NBAS: variants seen among roughly 807,000 people sequenced by gnomAD.
NBAS encodes the protein NAG/BC035112 fusion.
In NBAS, 219 loss-of-function variants were observed where a neutral mutation model predicts 302.5. The ratio of observed to expected loss-of-function variants is 0.72; its 90% CI spans 0.65 to 0.81. NBAS has a LOEUF of 0.81. Among genes scored for constraint, NBAS ranks in the 30% least tolerant of loss-of-function variants. The pLI, the probability that NBAS is intolerant of heterozygous loss-of-function variation, is 0.00. For synonymous variants in NBAS, 1,118 were observed against 1,021.6 expected (o/e 1.09, Z -1.80); for missense variants, 2,932 against 2,841.6 (o/e 1.03, Z -0.72).
chr2:14,848,128 G>A, the NBAS span, among the ~76,000 whole-genome samples: 24 of 152,060 alleles, frequency 1.6e-4, no homozygotes, highest in East Asian at 1.2e-3. Flanking sequence ...CGTGAGCGAC[G>A]CAGAAGACGG....
chr2:14,929,518 C>T, the NBAS span, among the ~76,000 whole-genome samples: 27 of 152,276 alleles, frequency 1.8e-4, no homozygotes, highest in Middle Eastern at 3.4e-3. Flanking sequence ...GCTGGGACTA[C>T]AGGCGTGCGC....
intron 23 of NBAS, among the ~76,000 whole-genome samples, chr2:15,421,414 A>G (rs150741360): frequency 1.7e-3 from 252 of 152,330 alleles, no homozygotes; most frequent in African/African-American, 5.8e-3. Flanking sequence ...TTACAGAATT[A>G]TATCATATAC....
At chr2:15,495,605 A>C (rs1028631566) in intron 11 of NBAS, among the ~76,000 whole-genome samples, 10 of 152,146 alleles carry the variant, frequency 6.6e-5, no homozygotes, top group Non-Finnish European at 1.2e-4. Flanking sequence ...GATAAACCTA[A>C]GCCAGAATAA....
chr2:15,462,884 C>A (rs980862089), intron 19 of NBAS, among the ~76,000 whole-genome samples: 4 of 151,964 alleles, frequency 2.6e-5, no homozygotes, highest in African/African-American at 7.3e-5. Context: ...GAAAAGGGAA[C>A]CTGCATCTGA....
the NBAS span, among the ~76,000 whole-genome samples, chr2:15,133,115 G>A: frequency 6.6e-6 from 1 of 152,202 alleles, no homozygotes; most frequent in Non-Finnish European, 1.5e-5. Flanking sequence ...TCAGTTCAGT[G>A]GTTGTTAAGG....
rs765736394 is a variant in NBAS at position 15,186,777 on chromosome 2, A to G, written c.6676T>C (p.Ser2226Pro). 1.2e-6 allele frequency: 2 copies of G among 1,613,824 alleles called. No homozygotes were observed. The highest frequency in any genetic ancestry group is 1.7e-6 in the Non-Finnish European group (2 of 1,179,952). Residue 2226 changes from serine to proline, a missense_variant, in exon 50 of 52, where the codon TCT becomes CCT. Transcript: ENST00000281513. ...LGNEVLKMCR[S>P]LYNTKQMLPA... ...AGCATCTGCTTGGTGTTATACAAAG[A>G]GCGACACATTTTCAAAACTTCATTC...
chr2:15,379,036 A>C (rs1001106476), intron 30 of NBAS, among the ~76,000 whole-genome samples: 1 of 152,150 alleles, frequency 6.6e-6, no homozygotes, highest in African/African-American at 2.4e-5. Context: ...AATTACGAGA[A>C]CTCAGGTCAT....
the NBAS span, among the ~76,000 whole-genome samples, chr2:15,121,866 G>C: frequency 6.5e-4 from 99 of 152,098 alleles, no homozygotes; most frequent in African/African-American, 2.1e-3. Flanking sequence ...AGTTTTTTAT[G>C]TATCAATATA....
the NBAS span, among the ~76,000 whole-genome samples, chr2:15,026,934 GT>G: frequency 6.6e-6 from 1 of 152,098 alleles, no homozygotes; most frequent in East Asian, 1.9e-4. Context: ...ATATTTATGA[GT>G]TCTCTATTTT....
the NBAS span, among the ~76,000 whole-genome samples, chr2:14,827,483 G>A: frequency 2.6e-5 from 4 of 152,180 alleles, no homozygotes; most frequent in Admixed American, 2.6e-4. Context: ...ATGCTGTCAT[G>A]AACATGAGAG....
At chr2:15,224,190 G>A (rs555653808) in intron 47 of NBAS, among the ~76,000 whole-genome samples, 84 of 152,316 alleles carry the variant, frequency 5.5e-4, no homozygotes, top group African/African-American at 2.0e-3. Context: ...ATTATGTAAT[G>A]TAGCATGGAA....
At chr2:14,806,472 G>A in the NBAS span, among the ~76,000 whole-genome samples, 1 of 152,038 alleles carries the variant, frequency 6.6e-6, no homozygotes, top group African/African-American at 2.4e-5. Context: ...ATTGTGATAA[G>A]CTTAGTTCAT....
At chr2:14,989,918 G>A in the NBAS span, among the ~76,000 whole-genome samples, 68 of 152,186 alleles carry the variant, frequency 4.5e-4, no homozygotes, top group African/African-American at 1.3e-3. Flanking sequence ...AAAGAAGGGC[G>A]TAAAATGGTA....
At chr2:15,034,296 GAA>G in the NBAS span, among the ~76,000 whole-genome samples, 91 of 102,728 alleles carry the variant, frequency 8.9e-4, no homozygotes, top group Non-Finnish European at 1.7e-3. Flanking sequence ...AAGAAAGAAA[GAA>G]AGAAAGATGG....
chr2:15,541,678 G>T (rs1339966566), intron 6 of NBAS, among the ~76,000 whole-genome samples: 1 of 151,586 alleles, frequency 6.6e-6, no homozygotes, highest in African/African-American at 2.4e-5. Context: ...TTGTAAGTGG[G>T]AATAATTTTT....
chr2:15,473,758 A>G (rs1175783893), intron 15 of NBAS, among the ~76,000 whole-genome samples: 2 of 152,190 alleles, frequency 1.3e-5, no homozygotes, highest in African/African-American at 4.8e-5. Flanking sequence ...CACCCTCTGT[A>G]GATGGCTGAT....
At chr2:15,100,358 G>A in the NBAS span, among the ~76,000 whole-genome samples, 7 of 152,194 alleles carry the variant, frequency 4.6e-5, no homozygotes, top group African/African-American at 1.4e-4. Context: ...TAGCTCACAC[G>A]TGAAATTCAT....
rs143461193 is a variant in NBAS at position 15,248,171 on chromosome 2, A to G, written c.5725-9485T>C. ...AACTCACTCAAAACCGCGCAACTAC[A>G]TGGAAACAGAACAACCTGCTCCTGA... On this transcript the variant is annotated intron_variant, in intron 44 of 51. Coordinates refer to ENST00000281513, the MANE Select transcript of NBAS (RefSeq NM_015909.4). Among the ~76,000 whole-genome samples the G allele has an allele frequency of 7.9e-3, 1,196 of 152,348 alleles. 65 individuals carry two copies. In the East Asian group the frequency reaches 0.15, roughly 19 times the overall value.
chr2:15,115,288 A>G, the NBAS span, among the ~76,000 whole-genome samples: 2 of 152,180 alleles, frequency 1.3e-5, no homozygotes, highest in East Asian at 1.9e-4. Flanking sequence ...CTGGGGAAAA[A>G]CAATGCCTAT....
Sources: allele counts gnomAD v4.1 joint callset (sites outside exome capture counted in the v4.1 genomes callset), GRCh38; gene constraint gnomAD v4.1.1; transcripts MANE v1.5; gene names NCBI Gene and HGNC (gene_info 2026-07-23, HGNC 2026-07-21).